Variants in HOMER1 observed in about 807,000 individuals in gnomAD.
HOMER1 encodes the protein homer protein homolog 1.
A neutral mutation model predicts 48.9 loss-of-function variants in HOMER1; 3 were observed. The ratio of observed to expected loss-of-function variants is 0.06; its 90% CI spans 0.03 to 0.16. The LOEUF (loss-of-function observed/expected upper bound fraction) is 0.16, where lower values mean the gene tolerates loss of function less well. Ranked by LOEUF, HOMER1 falls within the 10% of genes least tolerant of loss-of-function variation. HOMER1 has a pLI of 1.00. For synonymous variants in HOMER1, 134 were observed against 146.4 expected (o/e 0.92, Z 0.61); for missense variants, 247 against 411.4 (o/e 0.60, Z 3.46).
chr5:79,505,156 G>A (rs2112380417), intron 1 of HOMER1, among the ~76,000 whole-genome samples: 1 of 152,256 alleles, frequency 6.6e-6, no homozygotes, highest in Non-Finnish European at 1.5e-5. Flanking sequence ...CTACTCCGGA[G>A]GCTGAGGCAG....
intron 1 of HOMER1, among the ~76,000 whole-genome samples, chr5:79,486,856 T>C (rs1752118312): frequency 6.6e-6 from 1 of 152,244 alleles, no homozygotes. Context: ...GTAGGTAGTA[T>C]GTAATCCATT....
intron 8 of HOMER1, among the ~76,000 whole-genome samples, chr5:79,380,408 G>A (rs529469716): frequency 9.2e-5 from 14 of 152,284 alleles, no homozygotes; most frequent in African/African-American, 3.1e-4. Flanking sequence ...GAGAAACATG[G>A]GCTGTTACAC....
At chr5:79,400,963 T>C (rs1749523483) in intron 6 of HOMER1, among the ~76,000 whole-genome samples, 2 of 136,726 alleles carry the variant, frequency 1.5e-5, no homozygotes, top group Non-Finnish European at 3.1e-5. Context: ...TTAATGGAGA[T>C]GGGGTCTTGC....
intron 7 of HOMER1, 21 bp from the exon 8 acceptor site, chr5:79,396,924 T>C: frequency 7.4e-7 from 1 of 1,353,554 alleles, no homozygotes; most frequent in Non-Finnish European, 1.1e-6. Context: ...CAGAGCAATG[T>C]CTTAACATTC....
intron 5 of HOMER1, among the ~76,000 whole-genome samples, chr5:79,413,641 G>T (rs978301466): frequency 2.0e-5 from 3 of 148,304 alleles, no homozygotes. Context: ...TCTTCTTTCA[G>T]TGCCTGGAAC....
intron 5 of HOMER1, among the ~76,000 whole-genome samples, chr5:79,432,966 T>C (rs954170223): frequency 1.3e-5 from 2 of 152,202 alleles, no homozygotes; most frequent in African/African-American, 4.8e-5. Flanking sequence ...AATAATGATA[T>C]TTAAGTCAAT....
intron 2 of HOMER1, among the ~76,000 whole-genome samples, chr5:79,456,398 GGT>G (rs1320678419): frequency 6.6e-6 from 1 of 152,060 alleles, no homozygotes; most frequent in Non-Finnish European, 1.5e-5. Flanking sequence ...AAATAAAATA[GGT>G]TTTGTCCTTA....
At chr5:79,458,947 T>C (rs566249367) in intron 1 of HOMER1, among the ~76,000 whole-genome samples, 1 of 152,260 alleles carries the variant, frequency 6.6e-6, no homozygotes, top group African/African-American at 2.4e-5. Context: ...CTATTTTTCT[T>C]TTTTCACCTT....
At chr5:79,437,976 C>G (rs949037209) in intron 5 of HOMER1, among the ~76,000 whole-genome samples, 1 of 152,144 alleles carries the variant, frequency 6.6e-6, no homozygotes, top group Admixed American at 6.6e-5. Context: ...AAAACCTTAA[C>G]TAATTTTTTC....
chr5:79,488,328 G>A (rs116164753), intron 1 of HOMER1, among the ~76,000 whole-genome samples: 130 of 152,354 alleles, frequency 8.5e-4, no homozygotes, highest in African/African-American at 2.8e-3. Flanking sequence ...TGATGCAGGA[G>A]ATTAATGCAG....
intron 1 of HOMER1, among the ~76,000 whole-genome samples, chr5:79,492,820 TAAAATAACAG>T (rs1164658570): frequency 3.3e-5 from 5 of 151,334 alleles, no homozygotes; most frequent in Admixed American, 6.6e-5. Flanking sequence ...ATACGTATAT[TAAAATAACAG>T]AATAGAACAC....
chr5:79,462,770 A>G (rs1454484915), intron 1 of HOMER1, among the ~76,000 whole-genome samples: 2 of 152,218 alleles, frequency 1.3e-5, no homozygotes, highest in Non-Finnish European at 1.5e-5. Context: ...TTTTACAGTT[A>G]CCAATGAAGT....
At chr5:79,484,562 A>AAAAAAAT (rs1249644348) in intron 1 of HOMER1, among the ~76,000 whole-genome samples, 12 of 152,182 alleles carry the variant, frequency 7.9e-5, no homozygotes, top group Non-Finnish European at 1.3e-4. Flanking sequence ...AAAATAAATT[A>AAAAAAAT]AAAAAATAAA....
At chr5:79,439,470 G>A (rs907462330) in intron 4 of HOMER1, among the ~76,000 whole-genome samples, 5 of 151,978 alleles carry the variant, frequency 3.3e-5, no homozygotes, top group Admixed American at 2.6e-4. Context: ...TAATTGGTCA[G>A]AATAAAAGAT....
At position 79,373,271 on chromosome 5, in the gene HOMER1, A is replaced by G. The variant is rs1196702030; in HGVS notation, c.*2738T>C. ...AGTACATTCTCCAGAGAACAAATGT[A>G]TTTCAAAATAAAAACTGTATTTTTG... On this transcript the variant is annotated 3_prime_UTR_variant, in exon 9 of 9. Coordinates refer to ENST00000334082, the MANE Select transcript of HOMER1 (RefSeq NM_004272.5). 6.6e-6 allele frequency: 1 copy of G among 151,994 alleles called. No homozygotes were observed. Among genetic ancestry groups the G allele is most frequent in the East Asian group, 1.9e-4 (1 of 5,198 alleles). The allele number at this position is 151,994 out of a possible 1,614,324, so 9.4% of individuals were successfully genotyped here.
intron 1 of HOMER1, among the ~76,000 whole-genome samples, chr5:79,503,296 G>C (rs1176689815): frequency 6.6e-6 from 1 of 152,052 alleles, no homozygotes; most frequent in Non-Finnish European, 1.5e-5. Flanking sequence ...ACTTTGGGAG[G>C]CTGAGGCAGG....
rs544319397 is a variant in HOMER1 at position 79,421,484 on chromosome 5, C to T, written c.527+17526G>A. On this transcript the variant is annotated intron_variant, in intron 5 of 8. Transcript: ENST00000334082. ...ACATATAAGGAAAGTTTACTATGGC[C>T]TATAATCATGTAAATTACCTTAATC... Among the ~76,000 whole-genome samples, 28 of 152,216 alleles carry T rather than the reference C, an allele frequency of 1.8e-4. 1 individual carries two copies. The South Asian group carries it at 5.8e-3, about 32-fold the overall frequency.
chr5:79,439,398 C>T (rs1403282528), intron 4 of HOMER1, among the ~76,000 whole-genome samples: 2 of 152,010 alleles, frequency 1.3e-5, no homozygotes, highest in South Asian at 2.1e-4. Flanking sequence ...AATTTAGAAA[C>T]GGAAATATAA....
At chr5:79,378,904 A>C (rs565347910) in intron 8 of HOMER1, among the ~76,000 whole-genome samples, 152 of 151,220 alleles carry the variant, frequency 1.0e-3, no homozygotes, top group African/African-American at 3.6e-3. Context: ...CTCTGTTTGC[A>C]GGAATTTTAC....
Sources: allele counts gnomAD v4.1 joint callset (sites outside exome capture counted in the v4.1 genomes callset), GRCh38; gene constraint gnomAD v4.1.1; transcripts MANE v1.5; gene names NCBI Gene and HGNC (gene_info 2026-07-23, HGNC 2026-07-21).